The following RUSC2 variants were observed in gnomAD, a reference collection of about 807,000 sequenced individuals.
RUSC2 encodes AP-4 complex accessory subunit RUSC2.
In RUSC2, 34 loss-of-function variants were observed where a neutral mutation model predicts 122.2. That is an observed-to-expected ratio of 0.28 (90% CI 0.21 to 0.37). The LOEUF (loss-of-function observed/expected upper bound fraction) is 0.37, where lower values mean the gene tolerates loss of function less well. Ranked by LOEUF, RUSC2 falls within the 10% of genes least tolerant of loss-of-function variation. RUSC2 has a pLI of 1.00. For synonymous variants in RUSC2, 784 were observed against 790.0 expected (o/e 0.99, Z 0.13); for missense variants, 1,747 against 1,952.4 (o/e 0.89, Z 1.98).
At chr9:35,517,017 T>C (rs1478724825) in intron 1 of RUSC2, among the ~76,000 whole-genome samples, 1 of 152,224 alleles carries the variant, frequency 6.6e-6, no homozygotes, top group Non-Finnish European at 1.5e-5. Context: ...TCGTGATCCA[T>C]AGATACATAC....
chr9:35,525,104 T>A (rs1821299790), intron 1 of RUSC2, among the ~76,000 whole-genome samples: 2 of 152,198 alleles, frequency 1.3e-5, no homozygotes, highest in African/African-American at 4.8e-5. Flanking sequence ...TGGAACAGGC[T>A]GGCCTTTTTT....
At chr9:35,503,309 G>A (rs1820851996) in intron 1 of RUSC2, among the ~76,000 whole-genome samples, 1 of 151,986 alleles carries the variant, frequency 6.6e-6, no homozygotes, top group Admixed American at 6.6e-5. Flanking sequence ...TCATTCTTAC[G>A]CCTTTGAATC....
At chr9:35,532,590 C>A (rs1821441354) in intron 1 of RUSC2, among the ~76,000 whole-genome samples, 2 of 151,552 alleles carry the variant, frequency 1.3e-5, no homozygotes, top group Non-Finnish European at 2.9e-5. Context: ...ACCAAAACCA[C>A]AAAAATATAG....
chr9:35,504,403 T>C (rs1034577087), intron 1 of RUSC2, among the ~76,000 whole-genome samples: 2 of 152,174 alleles, frequency 1.3e-5, no homozygotes, highest in African/African-American at 2.4e-5. Context: ...TGTTTCCTCT[T>C]CTCTGAAATG....
chr9:35,495,141 C>T (rs190802080), intron 1 of RUSC2, among the ~76,000 whole-genome samples: 19 of 50 alleles, frequency 0.38, 2 homozygotes, highest in Admixed American at 0.75. Context: ...ATATATTATA[C>T]ATTATATATA....
At chr9:35,524,907 C>G (rs920222681) in intron 1 of RUSC2, among the ~76,000 whole-genome samples, 3 of 151,236 alleles carry the variant, frequency 2.0e-5, no homozygotes, top group African/African-American at 4.9e-5. Flanking sequence ...GGAGGTGGAG[C>G]TTGCAGTAAG....
intron 1 of RUSC2, among the ~76,000 whole-genome samples, chr9:35,520,237 T>A (rs752662199): frequency 5.3e-5 from 8 of 152,132 alleles, no homozygotes; most frequent in Non-Finnish European, 1.0e-4. Flanking sequence ...GAGAAAGGCT[T>A]TGACTCTGCC....
chr9:35,511,085 T>C (rs1462069583), intron 1 of RUSC2, among the ~76,000 whole-genome samples: 1 of 152,310 alleles, frequency 6.6e-6, no homozygotes, highest in African/African-American at 2.4e-5. Context: ...CAGATGGAGT[T>C]GGAAAAGCTC....
At chr9:35,494,806 T>G (rs1044470610) in intron 1 of RUSC2, among the ~76,000 whole-genome samples, 7 of 149,972 alleles carry the variant, frequency 4.7e-5, no homozygotes, top group African/African-American at 1.7e-4. Context: ...CTAATTTATC[T>G]AATTTTTCTT....
chr9:35,514,184 TAAAC>T (rs2132508932), intron 1 of RUSC2, among the ~76,000 whole-genome samples: 1 of 152,040 alleles, frequency 6.6e-6, no homozygotes, highest in South Asian at 2.1e-4. Context: ...AGAAGCCAAA[TAAAC>T]AAGTATAAAA....
rs148496836 is a variant in RUSC2, at chr9:35,548,129, C to T, written c.1608C>T (p.Ser536=). 3.7e-6 allele frequency: 6 copies of T among 1,613,278 alleles called. No individual in the cohort carries two copies. Among genetic ancestry groups the T allele is most frequent in the Non-Finnish European group, 5.1e-6 (6 of 1,180,004 alleles). ...EGPAAMAGPG[S]PPRRVTSFAE... is the part of the protein sequence containing the mutation. ...CTGCAGCCATGGCCGGGCCTGGCTC[C>T]CCACCCAGGAGGGTCACCTCCTTTG... is the stretch of plus-strand genomic sequence containing the variant. Residue 536 remains serine, a synonymous_variant, in exon 2 of 12, where the codon TCC becomes TCT. Transcript: ENST00000361226. This position sits in a 1 kb window ranked among gnomAD's most constrained non-coding sequence, Gnocchi z 4.5.
At chr9:35,520,619 G>T (rs1240371483) in intron 1 of RUSC2, among the ~76,000 whole-genome samples, 1 of 152,144 alleles carries the variant, frequency 6.6e-6, no homozygotes, top group African/African-American at 2.4e-5. Context: ...GCTTCCTGAA[G>T]CCCAGGAGCT....
Position 35,561,862 on chromosome 9 carries a change from T to C in RUSC2, c.*480T>C. On this transcript the variant is annotated 3_prime_UTR_variant, in exon 12 of 12. Transcript: ENST00000361226. The stretch of plus-strand genomic sequence containing the variant: ...TATGTATTTATTTATTTATTTATTA[T>C]ACCTATTAATAAAAAAGGTGCTCAG... 1.5e-6 allele frequency: 1 copy of C among 664,172 alleles called. No homozygotes were observed. Among genetic ancestry groups the C allele is most frequent in the South Asian group, 1.7e-5 (1 of 60,040 alleles). The allele number at this position is 664,172 out of a possible 1,614,324, so 41.1% of individuals were successfully genotyped here.
intron 8 of RUSC2, 128 bp from the exon 9 acceptor site, chr9:35,559,098 T>G (rs1328977551): frequency 2.6e-6 from 2 of 775,022 alleles, no homozygotes; most frequent in East Asian, 2.5e-5. Flanking sequence ...TTTCTGGAAT[T>G]AGGTGAAATG....
intron 2 of RUSC2, among the ~76,000 whole-genome samples, chr9:35,553,694 C>T (rs968335165): frequency 3.9e-5 from 6 of 152,062 alleles, no homozygotes; most frequent in South Asian, 2.1e-4. Context: ...TGTTTAAGGA[C>T]GGGGAAGTGT....
chr9:35,538,244 G>GA (rs1821569473), intron 1 of RUSC2, among the ~76,000 whole-genome samples: 1 of 152,154 alleles, frequency 6.6e-6, no homozygotes, highest in Non-Finnish European at 1.5e-5. Context: ...CCAGGGAACT[G>GA]AATTGAATAC....
chr9:35,531,654 G>C (rs996324929), intron 1 of RUSC2, among the ~76,000 whole-genome samples: 21 of 152,220 alleles, frequency 1.4e-4, no homozygotes, highest in African/African-American at 5.1e-4. Context: ...ATAACATTTA[G>C]CTTAGAGAGT....
In RUSC2 at chr9:35,547,556, G is replaced by A. The variant is rs760295944; in HGVS notation, c.1035G>A (p.Arg345=). The part of the protein sequence containing the change: ...YESHHPESGG[R]EGGYGCPHAS... Reference sequence around the variant, plus strand: ...CCCATCACCCTGAAAGTGGAGGAAGGGAAGGGGGCTATGGTTGCCCTCATG... The same window carrying A: ...CCCATCACCCTGAAAGTGGAGGAAGAGAAGGGGGCTATGGTTGCCCTCATG... Residue 345 remains arginine (R), a synonymous_variant, in exon 2 of 12, where the codon AGG becomes AGA. Coordinates refer to ENST00000361226, the MANE Select transcript of RUSC2 (RefSeq NM_014806.5). The surrounding 1 kb of genome is among the most constrained non-coding windows in gnomAD (Gnocchi z 4.6). 3.1e-5 allele frequency: 50 copies of A among 1,614,072 alleles called. No individual in the cohort carries two copies. The South Asian group carries it at 4.8e-4, about 16-fold the overall frequency.
At chr9:35,513,903 C>CATAT (rs3068511) in intron 1 of RUSC2, among the ~76,000 whole-genome samples, 8,536 of 103,658 alleles carry the variant, frequency 0.082, 368 homozygotes, top group Non-Finnish European at 0.092. Context: ...CTTCAACAAA[C>CATAT]ATATATATAT....
Sources: gnomAD v4.1 joint callset for allele counts (sites outside exome capture counted in the v4.1 genomes callset) on GRCh38, gnomAD v4.1.1 for gene constraint, Gnocchi (gnomAD v3.1) non-coding constraint, MANE v1.5 for transcripts, NCBI Gene and HGNC (gene_info 2026-07-23, HGNC 2026-07-21) for gene names.